MINDY3: variants seen among roughly 807,000 people sequenced by gnomAD.
The protein encoded by MINDY3 is ubiquitin carboxyl-terminal hydrolase MINDY-3.
MINDY3 carries 38 observed loss-of-function variants against 69.2 expected under a neutral mutation model. That is an observed-to-expected ratio of 0.55 (90% CI 0.42 to 0.72). MINDY3 has a LOEUF of 0.72. MINDY3 is among the 30% of genes least tolerant of loss of function. The probability of loss-of-function intolerance (pLI) is 0.00; values close to 1 mark genes in which losing one functional copy is unlikely to be tolerated. For missense variants in MINDY3, 522 were observed against 519.0 expected, an observed-to-expected ratio of 1.01 and a Z score of -0.06; for synonymous variants, 192 against 180.1, an observed-to-expected ratio of 1.07 and a Z score of -0.53.
intron 8 of MINDY3, among the ~76,000 whole-genome samples, chr10:15,831,332 T>C (rs1056890969): frequency 2.0e-5 from 3 of 152,200 alleles, no homozygotes; most frequent in Non-Finnish European, 4.4e-5. Context: ...CTATGTGTTA[T>C]CCAGGAAAAA....
chr10:15,812,155 G>T (rs1025187777), intron 10 of MINDY3, among the ~76,000 whole-genome samples: 3 of 152,028 alleles, frequency 2.0e-5, no homozygotes, highest in African/African-American at 7.2e-5. Context: ...TGGCCAGGCT[G>T]GTCTCGAACT....
intron 12 of MINDY3, among the ~76,000 whole-genome samples, chr10:15,787,021 TTTTC>T (rs1392285032): frequency 2.0e-5 from 3 of 152,136 alleles, no homozygotes; most frequent in African/African-American, 7.2e-5. Context: ...AACAAAATGT[TTTTC>T]TTTTTCTCCT....
At chr10:15,799,399 A>G (rs1256260168) in intron 10 of MINDY3, among the ~76,000 whole-genome samples, 2 of 151,932 alleles carry the variant, frequency 1.3e-5, no homozygotes, top group Non-Finnish European at 2.9e-5. Flanking sequence ...GGGTTTCACT[A>G]TCTTGGCCAG....
chr10:15,805,177 A>G (rs1838547104), intron 10 of MINDY3, among the ~76,000 whole-genome samples: 1 of 152,174 alleles, frequency 6.6e-6, no homozygotes, highest in African/African-American at 2.4e-5. Context: ...AAATCCGTCA[A>G]GCTTTTCTTG....
At chr10:15,818,897 A>G (rs1303161620) in intron 9 of MINDY3, among the ~76,000 whole-genome samples, 6 of 152,128 alleles carry the variant, frequency 3.9e-5, no homozygotes, top group Admixed American at 2.6e-4. Flanking sequence ...ACATTTTGGA[A>G]TTAGATTGGG....
At chr10:15,812,845 T>C (rs1213184820) in intron 10 of MINDY3, among the ~76,000 whole-genome samples, 3 of 152,148 alleles carry the variant, frequency 2.0e-5, no homozygotes, top group Non-Finnish European at 2.9e-5. Flanking sequence ...ATCTAATCAT[T>C]AGCCACACCT....
chr10:15,845,518 G>A (rs1275175722), intron 2 of MINDY3, among the ~76,000 whole-genome samples: 1 of 151,540 alleles, frequency 6.6e-6, no homozygotes, highest in South Asian at 2.1e-4. Flanking sequence ...TTCCTTTTTA[G>A]AAACAGGGTC....
intron 8 of MINDY3, among the ~76,000 whole-genome samples, chr10:15,823,562 T>C (rs1268806348): frequency 6.6e-6 from 1 of 152,170 alleles, no homozygotes; most frequent in East Asian, 1.9e-4. Context: ...TTAATGAGTA[T>C]ATTTTGTTTT....
At chr10:15,837,389 T>A in intron 5 of MINDY3, 71 bp from the exon 6 acceptor site, 2 of 1,276,038 alleles carry the variant, frequency 1.6e-6, no homozygotes, top group Non-Finnish European at 2.2e-6. Context: ...GGAAAATTTT[T>A]AAATTTTCTT....
chr10:15,813,514 A>C (rs1012802723), intron 10 of MINDY3, among the ~76,000 whole-genome samples: 1 of 152,192 alleles, frequency 6.6e-6, no homozygotes, highest in African/African-American at 2.4e-5. Context: ...CACACTTGTA[A>C]ATTTATGTGA....
chr10:15,842,518 A>G (rs1229274316), intron 3 of MINDY3, among the ~76,000 whole-genome samples: 2 of 151,890 alleles, frequency 1.3e-5, no homozygotes, highest in Non-Finnish European at 3.0e-5. Context: ...AAACTTATGG[A>G]AGTGATCCCT....
chr10:15,821,266 C>T (rs1412476622), intron 9 of MINDY3, among the ~76,000 whole-genome samples: 1 of 152,166 alleles, frequency 6.6e-6, no homozygotes, highest in Non-Finnish European at 1.5e-5. Flanking sequence ...AATTCTTTCT[C>T]TTTGCCTAAT....
intron 13 of MINDY3, chr10:15,782,474 CTT>C: frequency 2.5e-6 from 1 of 394,782 alleles, no homozygotes; most frequent in Non-Finnish European, 4.5e-6. Context: ...TCAGAACTAA[CTT>C]ATTTTTTTTT....
chr10:15,850,365 C>G (rs1215766105), intron 1 of MINDY3, among the ~76,000 whole-genome samples: 1 of 152,206 alleles, frequency 6.6e-6, no homozygotes, highest in African/African-American at 2.4e-5. Flanking sequence ...ATCATTAGGT[C>G]TGACTGTCTG....
chr10:15,779,234 G>C, intron 14 of MINDY3, 93 bp from the exon 15 acceptor site: 1 of 1,020,510 alleles, frequency 9.8e-7, no homozygotes. Context: ...AGCAAATAAG[G>C]TATTACATAG....
At chr10:15,859,112 T>A (rs1484645097) in intron 1 of MINDY3, among the ~76,000 whole-genome samples, 1 of 152,164 alleles carries the variant, frequency 6.6e-6, no homozygotes, top group East Asian at 1.9e-4. Flanking sequence ...AAAGCAACAG[T>A]GAGGGACTAA....
At chr10:15,814,344 A>AGT (rs1839210746) in intron 10 of MINDY3, among the ~76,000 whole-genome samples, 1 of 152,100 alleles carries the variant, frequency 6.6e-6, no homozygotes, top group Non-Finnish European at 1.5e-5. Flanking sequence ...ATCTATAGAT[A>AGT]CTACACAATG....
chr10:15,848,278 A>G (rs1265770703), intron 1 of MINDY3, among the ~76,000 whole-genome samples: 3 of 152,160 alleles, frequency 2.0e-5, no homozygotes, highest in African/African-American at 7.2e-5. Context: ...AATTTTTAGA[A>G]CTCTTTAAAT....
intron 8 of MINDY3, among the ~76,000 whole-genome samples, chr10:15,830,786 A>G (rs1564507106): frequency 6.6e-6 from 1 of 152,212 alleles, no homozygotes; most frequent in South Asian, 2.1e-4. Flanking sequence ...AGAACAAATG[A>G]CACAGATTTC....
Sources: allele counts gnomAD v4.1 joint callset (sites outside exome capture counted in the v4.1 genomes callset), GRCh38; gene constraint gnomAD v4.1.1; transcripts MANE v1.5; gene names NCBI Gene and HGNC (gene_info 2026-07-23, HGNC 2026-07-21).